BFSP2: variants seen among roughly 807,000 people sequenced by gnomAD.
BFSP2 encodes the protein phakinin.
In BFSP2, 38 loss-of-function variants were observed where a neutral mutation model predicts 44.9. The observed-to-expected ratio is 0.85, with a 90% CI of 0.65 to 1.11. The LOEUF is 1.11. BFSP2 is among the 50% of genes least tolerant of loss of function. The pLI, the probability that BFSP2 is intolerant of heterozygous loss-of-function variation, is 0.00. For missense variants in BFSP2, 525 were observed against 533.0 expected (o/e 0.99, Z 0.15); for synonymous variants, 197 against 209.9 (o/e 0.94, Z 0.53).
chr3:133,433,233 T>C (rs2073745405), intron 1 of BFSP2, among the ~76,000 whole-genome samples: 1 of 152,204 alleles, frequency 6.6e-6, no homozygotes, highest in Admixed American at 6.5e-5. Context: ...ATTTGCTTCT[T>C]TCCTGTTCCT....
chr3:133,428,078 T>C (rs1181544153), intron 1 of BFSP2, among the ~76,000 whole-genome samples: 1 of 152,200 alleles, frequency 6.6e-6, no homozygotes, highest in Non-Finnish European at 1.5e-5. Context: ...CCAGAGTCTG[T>C]ATGCCCGGGT....
chr3:133,452,532 G>T (rs2073975112), intron 4 of BFSP2, among the ~76,000 whole-genome samples: 1 of 152,160 alleles, frequency 6.6e-6, no homozygotes, highest in African/African-American at 2.4e-5. Flanking sequence ...TTGGTCCATT[G>T]CCTTTTTTAA....
chr3:133,475,111 G>T lies in BFSP2; in HGVS notation c.*139G>T. On this transcript the variant is annotated 3_prime_UTR_variant, in exon 7 of 7. Transcript: ENST00000302334. The stretch of plus-strand genomic sequence containing the variant: ...TTCAGCTTGAGCTGAAAAGCTTCCT[G>T]GAAGTGGAGAGGATCCTTCTGCTTT... 8.1e-7 allele frequency: 1 copy of T among 1,232,120 alleles called. No homozygotes were observed. Among genetic ancestry groups the T allele is most frequent in the Non-Finnish European group, 1.2e-6 (1 of 838,540 alleles). The allele number at this position is 1,232,120 out of a possible 1,614,324, so 76.3% of individuals were successfully genotyped here. A position where few individuals can be genotyped will look rare whatever the true frequency, so the allele number is the denominator to read the frequency against.
chr3:133,440,876 T>C (rs1158269113), intron 1 of BFSP2, among the ~76,000 whole-genome samples: 2 of 152,112 alleles, frequency 1.3e-5, no homozygotes, highest in East Asian at 1.9e-4. Flanking sequence ...CAGAAGTGTA[T>C]TGTGGCTTCC....
At chr3:133,437,462 G>A (rs1235904018) in intron 1 of BFSP2, among the ~76,000 whole-genome samples, 1 of 152,006 alleles carries the variant, frequency 6.6e-6, no homozygotes, top group African/African-American at 2.4e-5. Context: ...GGTGGAGGTT[G>A]CGGCGAGCCG....
At chr3:133,473,418 T>G (rs1576602778) in intron 6 of BFSP2, among the ~76,000 whole-genome samples, 1 of 109,034 alleles carries the variant, frequency 9.2e-6, no homozygotes, top group Non-Finnish European at 1.7e-5. Context: ...TGGCCGGAAG[T>G]GGGAGAGAAG....
chr3:133,422,019 A>C (rs2073597199), intron 1 of BFSP2, among the ~76,000 whole-genome samples: 1 of 144,322 alleles, frequency 6.9e-6, no homozygotes, highest in East Asian at 2.2e-4. Context: ...AGGCAGGAAA[A>C]TTGCTTGAAA....
intron 5 of BFSP2, among the ~76,000 whole-genome samples, chr3:133,470,096 A>T (rs1197364827): frequency 1.3e-5 from 2 of 152,240 alleles, no homozygotes; most frequent in African/African-American, 4.8e-5. Flanking sequence ...CCATTTCTGC[A>T]TCCTCACTGC....
At chr3:133,443,908 A>G (rs1167776895) in intron 1 of BFSP2, among the ~76,000 whole-genome samples, 1 of 151,998 alleles carries the variant, frequency 6.6e-6, no homozygotes, top group African/African-American at 2.4e-5. Context: ...CGCTGCTTGT[A>G]TTTGCCTTTC....
chr3:133,463,088 C>A (rs540537421), intron 4 of BFSP2, among the ~76,000 whole-genome samples: 2 of 152,144 alleles, frequency 1.3e-5, no homozygotes, highest in Non-Finnish European at 2.9e-5. Flanking sequence ...GCCGGCGGAT[C>A]AACTGAGGTC....
At chr3:133,439,612 G>C (rs893299853) in intron 1 of BFSP2, among the ~76,000 whole-genome samples, 16 of 152,254 alleles carry the variant, frequency 1.1e-4, no homozygotes, top group African/African-American at 3.9e-4. Flanking sequence ...ACAAAGGAAA[G>C]TAGGAGGCAG....
At position 133,443,791 on chromosome 3, in the gene BFSP2, C is replaced by T. The variant is rs959946643; in HGVS notation, c.490-3526C>T. 4.6e-5 allele frequency among the ~76,000 whole-genome samples: 7 copies of T among 152,192 alleles called. No homozygotes were observed. In the South Asian group the frequency reaches 8.3e-4, roughly 18 times the overall value. ...TAATTTCCCAGGAGCTCAGTCTTAC[C>T]CACCTCCTCCCCACACCTGCAGCTC... On this transcript the variant is annotated intron_variant, in intron 1 of 6. Transcript: ENST00000302334.
At chr3:133,403,984 T>C (rs542588032) in intron 1 of BFSP2, among the ~76,000 whole-genome samples, 101 of 89,152 alleles carry the variant, frequency 1.1e-3, no homozygotes, top group African/African-American at 3.2e-3. Context: ...AGGAAGGCCG[T>C]CCTGGGGAGG....
chr3:133,436,891 T>G (rs1342874998), intron 1 of BFSP2, among the ~76,000 whole-genome samples: 1 of 151,940 alleles, frequency 6.6e-6, no homozygotes, highest in African/African-American at 2.4e-5. Context: ...TTGCTGAGAA[T>G]GATGGTTTCC....
chr3:133,467,951 T>C (rs941216448), intron 5 of BFSP2, among the ~76,000 whole-genome samples: 2 of 152,150 alleles, frequency 1.3e-5, no homozygotes, highest in Non-Finnish European at 2.9e-5. Context: ...CCTCCATTTA[T>C]CCCTTGGGTA....
chr3:133,410,619 C>G (rs892260489), intron 1 of BFSP2: 1 of 296,890 alleles, frequency 3.4e-6, no homozygotes, highest in Non-Finnish European at 6.8e-6. Flanking sequence ...GTCTTTCCCA[C>G]CTTCGTTGAT....
At chr3:133,440,831 T>G (rs2073838071) in intron 1 of BFSP2, among the ~76,000 whole-genome samples, 1 of 152,148 alleles carries the variant, frequency 6.6e-6, no homozygotes, top group African/African-American at 2.4e-5. Context: ...CACAGCATAG[T>G]CTGATGAAGT....
At chr3:133,423,623 C>G (rs2073614840) in intron 1 of BFSP2, among the ~76,000 whole-genome samples, 2 of 152,024 alleles carry the variant, frequency 1.3e-5, no homozygotes, top group Admixed American at 6.5e-5. Context: ...GTCCCGCTGA[C>G]TCAGGAGCAT....
Position 133,450,016 on chromosome 3 carries a change from A to AGGAAGGAAGGAG in BFSP2, c.730-284_730-283insAGGAAGGAGGGA, listed in dbSNP as rs1225503133. On this transcript the variant is annotated intron_variant, in intron 3 of 6. Coordinates refer to ENST00000302334, the MANE Select transcript of BFSP2 (RefSeq NM_003571.4). ...AAGGAAGGAAGGAAGGAAGGAAGGA[A>AGGAAGGAAGGAG]GGAGGGAGGGAGGGGGAGGGAAGGA... is the stretch of plus-strand genomic sequence containing the variant. Among the ~76,000 whole-genome samples the AGGAAGGAAGGAG allele has an allele frequency of 0.035, 3,271 of 92,542 alleles. 65 individuals carry two copies. Among genetic ancestry groups the AGGAAGGAAGGAG allele is most frequent in the African/African-American group, 0.067 (1,500 of 22,392 alleles). 60.7% of individuals were successfully genotyped at this position (92,542 alleles called of 152,430 possible).
Sources: allele counts gnomAD v4.1 joint callset (sites outside exome capture counted in the v4.1 genomes callset), GRCh38; gene constraint gnomAD v4.1.1; transcripts MANE v1.5; gene names NCBI Gene and HGNC (gene_info 2026-07-23, HGNC 2026-07-21).